Variants in FGF3 observed in about 807,000 individuals in gnomAD.
FGF3 encodes FGF-3.
A neutral mutation model predicts 9.8 loss-of-function variants in FGF3; 7 were observed. That is an observed-to-expected ratio of 0.72 (90% CI 0.41 to 1.35). The LOEUF is 1.35. FGF3 is among the 40% of genes most tolerant of loss of function. The pLI is 0.01. For synonymous variants in FGF3, 173 were observed against 157.2 expected (o/e 1.10, Z -0.75); for missense variants, 390 against 345.6 (o/e 1.13, Z -1.02).
chr11:69,818,983 C>A lies in FGF3; in HGVS notation c.-50G>T, dbSNP rs1554981481. The A allele has an allele frequency of 7.6e-7, 1 of 1,309,142 alleles. No individual in the cohort carries two copies. The highest frequency in any genetic ancestry group is 1.5e-5 in the South Asian group (1 of 67,320). The allele number at this position is 1,309,142 out of a possible 1,614,324, so 81.1% of individuals were successfully genotyped here. On this transcript the variant is annotated 5_prime_UTR_variant, in exon 1 of 3. Coordinates refer to ENST00000334134, the MANE Select transcript of FGF3 (RefSeq NM_005247.4). ...CGGCGGCGGCTGCAGGCGAGCGCGGCGCCCATGGAAGGGGCGGCAGCCGGA... is the reference window on the plus strand; with the variant it reads ...CGGCGGCGGCTGCAGGCGAGCGCGGAGCCCATGGAAGGGGCGGCAGCCGGA...
At chr11:69,815,138 G>C (rs1471782188) in intron 2 of FGF3, among the ~76,000 whole-genome samples, 2 of 131,362 alleles carry the variant, frequency 1.5e-5, no homozygotes, top group Non-Finnish European at 3.3e-5. Context: ...TGGATGGATA[G>C]GTGGATGGGT....
Position 69,819,079 on chromosome 11 carries a change from G to A in FGF3, c.-146C>T. 3 of 474,062 alleles carry A rather than the reference G, an allele frequency of 6.3e-6. No homozygotes were observed. Among genetic ancestry groups the A allele is most frequent in the Admixed American group, 4.4e-5 (1 of 22,890 alleles). 29.4% of individuals were successfully genotyped at this position (474,062 alleles called of 1,614,324 possible). A position where few individuals can be genotyped will look rare whatever the true frequency, so the allele number is the denominator to read the frequency against. On this transcript the variant is annotated 5_prime_UTR_variant, in exon 1 of 3. Coordinates refer to ENST00000334134, the MANE Select transcript of FGF3 (RefSeq NM_005247.4). The stretch of plus-strand genomic sequence containing the variant: ...ACTCCGGCTTCGCGGGAAAGGTGGG[G>A]GAAGAAGGGGGAAGGGTGGGCGAGA...
At chr11:69,811,790 C>A (rs1231426045) in intron 2 of FGF3, among the ~76,000 whole-genome samples, 1 of 152,206 alleles carries the variant, frequency 6.6e-6, no homozygotes, top group Non-Finnish European at 1.5e-5. Flanking sequence ...AGAGAGGACA[C>A]CTCTTTGTCA....
intron 2 of FGF3, among the ~76,000 whole-genome samples, chr11:69,815,456 TAA>T (rs1856114752): frequency 6.6e-6 from 1 of 152,166 alleles, no homozygotes; most frequent in Non-Finnish European, 1.5e-5. Flanking sequence ...GCAAAACGGC[TAA>T]AAATCTGTGA....
chr11:69,814,299 G>T (rs1054264989), intron 2 of FGF3, among the ~76,000 whole-genome samples: 14 of 152,010 alleles, frequency 9.2e-5, no homozygotes. Flanking sequence ...ATGCAGGGGC[G>T]TGGTCTGAGG....
rs782324453 is a variant in FGF3 at position 69,818,768 on chromosome 11, G to T, written c.166C>A (p.Leu56Ile). The change falls in exon 1 of 3, where the codon CTC becomes ATC. Residue 56 changes from leucine to isoleucine, a missense_variant. By Grantham distance (5) the Leu-to-Ile change is conservative (BLOSUM62 2). Coordinates refer to ENST00000334134, the MANE Select transcript of FGF3 (RefSeq NM_005247.4). ...ACGCGGCCGCTCGGGTGCAGCTGGA[G>T]GTGGTACTTCGTGGCGCAGTAGAGC... ...RKLYCATKYH[L>I]QLHPSGRVNG... 6 of 1,497,430 alleles carry T rather than the reference G, an allele frequency of 4.0e-6. No individual in the cohort carries two copies. The highest frequency in any genetic ancestry group is 1.5e-5 in the African/African-American group (1 of 68,882). 92.8% of individuals were successfully genotyped at this position (1,497,430 alleles called of 1,614,324 possible).
chr11:69,811,450 C>CAAAAAA (rs33951596), intron 2 of FGF3, among the ~76,000 whole-genome samples: 4 of 97,326 alleles, frequency 4.1e-5, no homozygotes, highest in African/African-American at 7.7e-5. Flanking sequence ...AACTCTGACT[C>CAAAAAA]AAAAAAAAAA....
rs1421649420 is a variant in FGF3, at chr11:69,818,934, C to T, written c.-1G>A. On this transcript the variant is annotated 5_prime_UTR_variant, in exon 1 of 3. Coordinates refer to ENST00000334134, the MANE Select transcript of FGF3 (RefSeq NM_005247.4). ...GCAGTAGCAGCCAGATTAGGCCCAT[C>T]GTGGCATCGCGCCCGCCCCGCGGCG... is the stretch of plus-strand genomic sequence containing the variant. 3 of 1,464,156 alleles carry T rather than the reference C, an allele frequency of 2.0e-6. No homozygotes were observed. In the African/African-American group the frequency reaches 4.4e-5, roughly 22 times the overall value. The allele number at this position is 1,464,156 out of a possible 1,614,324, so 90.7% of individuals were successfully genotyped here.
intron 2 of FGF3, among the ~76,000 whole-genome samples, chr11:69,816,102 C>G (rs529957832): frequency 1.3e-5 from 2 of 152,172 alleles, no homozygotes; most frequent in African/African-American, 4.8e-5. Flanking sequence ...GATCCCAGGT[C>G]CCCCAGGGCC....
At chr11:69,812,046 GTAATGCC>G (rs782623518) in intron 2 of FGF3, among the ~76,000 whole-genome samples, 4 of 152,200 alleles carry the variant, frequency 2.6e-5, no homozygotes, top group African/African-American at 4.8e-5. Context: ...CAGGCAAGTG[GTAATGCC>G]TAGGGCCACC....
chr11:69,810,540 C>A lies in FGF3; in HGVS notation c.485G>T (p.Arg162Leu), dbSNP rs782194323. The A allele has an allele frequency of 6.2e-7, 1 of 1,612,326 alleles. No individual in the cohort carries two copies. Among genetic ancestry groups the A allele is most frequent in the South Asian group, 1.1e-5 (1 of 91,020 alleles). Residue 162 changes from arginine to leucine, a missense_variant, in exon 3 of 3, where the codon CGG (arginine) becomes CTG (leucine). By Grantham distance (102) the Arg-to-Leu change is moderately radical (BLOSUM62 -2). Coordinates refer to ENST00000334134, the MANE Select transcript of FGF3 (RefSeq NM_005247.4). The part of the protein sequence containing the change: ...LWYVSVNGKG[R>L]PRRGFKTRRT... ...GCGGGTCTTGAAGCCCCTGCGGGGC[C>A]GGCCCTTGCCGTTCACAGACACGTA...
chr11:69,811,054 C>G (rs375010917), intron 2 of FGF3, among the ~76,000 whole-genome samples: 1 of 152,192 alleles, frequency 6.6e-6, no homozygotes, highest in South Asian at 2.1e-4. Context: ...GAGACCAGGC[C>G]GGCCAACCCA....
chr11:69,813,929 T>A (rs1856084259), intron 2 of FGF3, among the ~76,000 whole-genome samples: 1 of 98,892 alleles, frequency 1.0e-5, no homozygotes, highest in African/African-American at 3.8e-5. Flanking sequence ...GATGGATTGG[T>A]GGATGGGTTG....
At position 69,810,625 on chromosome 11, in the gene FGF3, A is replaced by G. The variant is rs1408391209; in HGVS notation, c.400T>C (p.Tyr134His). 6.2e-7 allele frequency: 1 copy of G among 1,606,554 alleles called. No homozygotes were observed. Among genetic ancestry groups the G allele is most frequent in the Non-Finnish European group, 8.5e-7 (1 of 1,175,236 alleles). ...CCAGGCGTACTAGACACCGTCCGGT[A>G]CAGCCGGGAGGCATACGTATTATAG... ...LGYNTYASRLYRTVSSTPGAR... is the reference protein window; with the variant it reads ...LGYNTYASRLHRTVSSTPGAR... Residue 134 changes from tyrosine (Y) to histidine (H), a missense_variant, in exon 3 of 3, where the codon TAC (tyrosine) becomes CAC (histidine). By Grantham distance (83) the Tyr-to-His change is moderately conservative. Transcript: ENST00000334134.
intron 2 of FGF3, among the ~76,000 whole-genome samples, chr11:69,812,062 C>T (rs1161679823): frequency 6.6e-6 from 1 of 152,164 alleles, no homozygotes; most frequent in African/African-American, 2.4e-5. Flanking sequence ...CCTAGGGCCA[C>T]CTCCCTCAGG....
rs782613495 is a variant in FGF3 at position 69,818,708 on chromosome 11, A to G, written c.220+6T>C. ...CCCCCGGGGCCCCGCAGCGTCCGGCACTCACTGTAGGCGCTGTTCTCCAGG... is the reference window on the plus strand; with the variant it reads ...CCCCCGGGGCCCCGCAGCGTCCGGCGCTCACTGTAGGCGCTGTTCTCCAGG... On this transcript the variant is annotated splice_donor_region_variant and intron_variant, in intron 1 of 2. Coordinates refer to ENST00000334134, the MANE Select transcript of FGF3 (RefSeq NM_005247.4). The G allele has an allele frequency of 1.4e-6, 2 of 1,476,338 alleles. No homozygotes were observed. Among genetic ancestry groups the G allele is most frequent in the East Asian group, 5.8e-5 (2 of 34,212 alleles). The allele number at this position is 1,476,338 out of a possible 1,614,324, so 91.5% of individuals were successfully genotyped here.
chr11:69,819,111 A>AAGAGAGGG lies in FGF3; in HGVS notation c.-186_-179dup, dbSNP rs1856197227. ...GGGGGAAGGGTGGGCGAGAGAGAGAAAGAGAGGGAGAGTGGGAGAGGGAGA... is the reference window on the plus strand; with the variant it reads ...GGGGGAAGGGTGGGCGAGAGAGAGAAAGAGAGGGAGAGAGGGAGAGTGGGAGAGGGAGA... On this transcript the variant is annotated 5_prime_UTR_variant, in exon 1 of 3. Transcript: ENST00000334134. 2.3e-6 allele frequency: 1 copy of AAGAGAGGG among 431,814 alleles called. No individual in the cohort carries two copies. The highest frequency in any genetic ancestry group is 3.9e-5 in the East Asian group (1 of 25,862). 26.7% of individuals were successfully genotyped at this position (431,814 alleles called of 1,614,324 possible).
intron 2 of FGF3, among the ~76,000 whole-genome samples, chr11:69,812,637 G>A (rs187887443): frequency 1.4e-4 from 21 of 152,196 alleles, no homozygotes; most frequent in Admixed American, 6.5e-4. Flanking sequence ...CTGGGAATGA[G>A]CGGGTGGGCT....
chr11:69,817,160 CG>C (rs1199678234), intron 1 of FGF3, among the ~76,000 whole-genome samples: 1 of 151,674 alleles, frequency 6.6e-6, no homozygotes, highest in African/African-American at 2.4e-5. Context: ...GGGCTGGGGG[CG>C]GGGGACTACA....
Sources: allele counts gnomAD v4.1 joint callset (sites outside exome capture counted in the v4.1 genomes callset), GRCh38; gene constraint gnomAD v4.1.1; transcripts MANE v1.5; gene names NCBI Gene and HGNC (gene_info 2026-07-23, HGNC 2026-07-21).